The following RTN4RL1 variants were observed in gnomAD, a reference collection of about 807,000 sequenced individuals.
The protein encoded by RTN4RL1 is reticulon 4 receptor like 1.
A neutral mutation model predicts 25.6 loss-of-function variants in RTN4RL1; 7 were observed. The observed-to-expected ratio is 0.27, with a 90% CI of 0.16 to 0.51. The LOEUF (loss-of-function observed/expected upper bound fraction) is 0.51. RTN4RL1 is among the 20% of genes least tolerant of loss of function. The pLI is 0.97. For synonymous variants in RTN4RL1, 297 were observed against 288.2 expected (o/e 1.03, Z -0.31); for missense variants, 500 against 615.6 (o/e 0.81, Z 1.99).
chr17:1,956,183 G>T (rs1915788837), intron 1 of RTN4RL1, among the ~76,000 whole-genome samples: 1 of 152,188 alleles, frequency 6.6e-6, no homozygotes, highest in Admixed American at 6.5e-5. Flanking sequence ...TAAGGAAGCA[G>T]CAGGCAGCTC....
At chr17:1,973,267 A>C (rs1433428450) in intron 1 of RTN4RL1, among the ~76,000 whole-genome samples, 1 of 150,912 alleles carries the variant, frequency 6.6e-6, no homozygotes, top group African/African-American at 2.4e-5. Context: ...TGGGAGGCTG[A>C]GGTGGGAGAA....
intron 1 of RTN4RL1, among the ~76,000 whole-genome samples, chr17:1,974,959 C>A (rs746830488): frequency 3.0e-4 from 45 of 152,218 alleles, no homozygotes; most frequent in Non-Finnish European, 5.0e-4. Context: ...CAGCCTCACT[C>A]GCTGCTAAAG....
intron 1 of RTN4RL1, among the ~76,000 whole-genome samples, chr17:1,973,461 T>C (rs1411288594): frequency 6.8e-6 from 1 of 147,044 alleles, no homozygotes; most frequent in Non-Finnish European, 1.5e-5. Flanking sequence ...GAGGTTACAG[T>C]GAGCCGGGAT....
chr17:1,960,222 G>C (rs369834067), intron 1 of RTN4RL1, among the ~76,000 whole-genome samples: 4 of 108,356 alleles, frequency 3.7e-5, no homozygotes, highest in East Asian at 5.9e-4. Flanking sequence ...ACTCTCTTCT[G>C]TTCCCTGGAC....
At chr17:2,015,475 C>T (rs1290207822) in intron 1 of RTN4RL1, among the ~76,000 whole-genome samples, 2 of 152,052 alleles carry the variant, frequency 1.3e-5, no homozygotes, top group African/African-American at 2.4e-5. Flanking sequence ...TGGCGCTGCC[C>T]GGGGAGGTGC....
chr17:2,017,221 T>C (rs1474071034), intron 1 of RTN4RL1, among the ~76,000 whole-genome samples: 1 of 152,194 alleles, frequency 6.6e-6, no homozygotes, highest in African/African-American at 2.4e-5. Flanking sequence ...GAAGCAAACT[T>C]TCTACCACCT....
At chr17:2,005,887 C>G (rs140463568) in intron 1 of RTN4RL1, among the ~76,000 whole-genome samples, 1 of 151,406 alleles carries the variant, frequency 6.6e-6, no homozygotes, top group East Asian at 1.9e-4. Flanking sequence ...ACCTCCGCCA[C>G]CCGGGTTCCA....
At position 1,969,058 on chromosome 17, in the gene RTN4RL1, C is replaced by CTTTTTTTTTT. The variant is rs566553225; in HGVS notation, c.14-31260_14-31251dup. 4.4e-4 allele frequency among the ~76,000 whole-genome samples: 46 copies of CTTTTTTTTTT among 103,884 alleles called. 3 individuals are homozygous for CTTTTTTTTTT. The highest frequency in any genetic ancestry group is 2.8e-3 in the South Asian group (8 of 2,868). The allele number at this position is 103,884 out of a possible 152,430, so 68.2% of individuals were successfully genotyped here. On this transcript the variant is annotated intron_variant, in intron 1 of 1. Coordinates refer to ENST00000331238, the MANE Select transcript of RTN4RL1 (RefSeq NM_178568.4). ...TCGTGGGGGAGCTGGACCACTGTCCCTTTTTTTTTTTTTTTTTTGAGATGG... is the reference window on the plus strand; with the variant it reads ...TCGTGGGGGAGCTGGACCACTGTCCCTTTTTTTTTTTTTTTTTTTTTTTTTTTTGAGATGG...
At position 1,998,505 on chromosome 17, in the gene RTN4RL1, C is replaced by T. The variant is rs1431165537; in HGVS notation, c.13+26348G>A. Among the ~76,000 whole-genome samples, 1 of 152,028 alleles carries T rather than the reference C, an allele frequency of 6.6e-6. No individual in the cohort carries two copies. The highest frequency in any genetic ancestry group is 1.9e-4 in the East Asian group (1 of 5,182). ...TCGGGCCTCCCCTCCCCGCGGCTGCCCCCGGGCCGGCCACCGCTGCCCAGC... is the reference window on the plus strand; with the variant it reads ...TCGGGCCTCCCCTCCCCGCGGCTGCTCCCGGGCCGGCCACCGCTGCCCAGC... On this transcript the variant is annotated intron_variant, in intron 1 of 1. Transcript: ENST00000331238. The surrounding 1 kb of genome is among the most constrained non-coding windows in gnomAD (Gnocchi z 4.9).
intron 1 of RTN4RL1, among the ~76,000 whole-genome samples, chr17:2,010,688 G>A (rs2067039061): frequency 6.6e-6 from 1 of 151,938 alleles, no homozygotes; most frequent in South Asian, 2.1e-4. Flanking sequence ...CTCCCAAATA[G>A]CTGGGACTAC....
At chr17:1,981,439 TC>T (rs2066866822) in intron 1 of RTN4RL1, among the ~76,000 whole-genome samples, 1 of 152,202 alleles carries the variant, frequency 6.6e-6, no homozygotes, top group Non-Finnish European at 1.5e-5. Flanking sequence ...GGTATTTTTT[TC>T]TTTGCATAAC....
intron 1 of RTN4RL1, among the ~76,000 whole-genome samples, chr17:1,950,518 A>G (rs558450832): frequency 4.6e-5 from 7 of 152,124 alleles, no homozygotes; most frequent in African/African-American, 1.7e-4. Context: ...TTGGCTGTAC[A>G]CTCAAGAGCT....
At chr17:2,004,875 A>G (rs1301050136) in intron 1 of RTN4RL1, among the ~76,000 whole-genome samples, 3 of 152,230 alleles carry the variant, frequency 2.0e-5, no homozygotes, top group Non-Finnish European at 2.9e-5. Context: ...TGTGGGCTGT[A>G]GCTAAGGCCG....
chr17:1,949,140 T>A (rs1223593098), intron 1 of RTN4RL1, among the ~76,000 whole-genome samples: 5 of 152,120 alleles, frequency 3.3e-5, no homozygotes, highest in Non-Finnish European at 7.4e-5. Flanking sequence ...TTTTTGTATT[T>A]TTAGTAGAGA....
At chr17:1,946,969 CTG>C in intron 1 of RTN4RL1, among the ~76,000 whole-genome samples, 1 of 116,258 alleles carries the variant, frequency 8.6e-6, no homozygotes, top group South Asian at 2.4e-4. Context: ...GTGTGCGTCT[CTG>C]TGTGAATGTG....
rs1043583728 is a variant in RTN4RL1 at position 1,935,827 on chromosome 17, G to A, written c.*669C>T. On this transcript the variant is annotated 3_prime_UTR_variant, in exon 2 of 2. Coordinates refer to ENST00000331238, the MANE Select transcript of RTN4RL1 (RefSeq NM_178568.4). ...ACCTTCTGTGAGAACCTCATTGCCC[G>A]GGATGAAGTTCTAGATTTCAGCCTC... 2.6e-5 allele frequency: 26 copies of A among 983,674 alleles called. No homozygotes were observed. In the South Asian group the frequency reaches 2.8e-4, roughly 11 times the overall value. 60.9% of individuals were successfully genotyped at this position (983,674 alleles called of 1,614,324 possible). A position where few individuals can be genotyped will look rare whatever the true frequency, so the allele number is the denominator to read the frequency against.
At chr17:1,954,727 C>G (rs1472268676) in intron 1 of RTN4RL1, among the ~76,000 whole-genome samples, 2 of 152,176 alleles carry the variant, frequency 1.3e-5, no homozygotes, top group Admixed American at 6.5e-5. Flanking sequence ...AGGCGCAGCA[C>G]TGCTGCGCGT....
At chr17:1,972,741 C>T (rs1170889226) in intron 1 of RTN4RL1, among the ~76,000 whole-genome samples, 4 of 152,238 alleles carry the variant, frequency 2.6e-5, no homozygotes, top group African/African-American at 9.6e-5. Context: ...CCACGTCCTT[C>T]TCACTTTCCA....
At chr17:2,002,440 C>T (rs544892945) in intron 1 of RTN4RL1, among the ~76,000 whole-genome samples, 1 of 148,934 alleles carries the variant, frequency 6.7e-6, no homozygotes, top group Non-Finnish European at 1.5e-5. Flanking sequence ...CTACAGGCGC[C>T]CGCCACCTCG....
Sources: allele counts gnomAD v4.1 joint callset (sites outside exome capture counted in the v4.1 genomes callset), GRCh38; gene constraint gnomAD v4.1.1; non-coding constraint Gnocchi (gnomAD v3.1); transcripts MANE v1.5; gene names NCBI Gene and HGNC (gene_info 2026-07-23, HGNC 2026-07-21).